Variants in KY observed in about 807,000 individuals in gnomAD.
KY encodes the protein kyphoscoliosis peptidase.
KY carries 43 observed loss-of-function variants against 76.1 expected under a neutral mutation model. The observed-to-expected ratio is 0.57, with a 90% CI of 0.44 to 0.73. The LOEUF is 0.73. KY is among the 30% of genes least tolerant of loss of function. KY has a pLI of 0.00. For missense variants in KY, 722 were observed against 828.9 expected, an observed-to-expected ratio of 0.87 and a Z score of 1.58; for synonymous variants, 277 against 326.2, an observed-to-expected ratio of 0.85 and a Z score of 1.63.
intron 2 of KY, among the ~76,000 whole-genome samples, chr3:134,646,773 G>A (rs1966494616): frequency 6.6e-6 from 1 of 152,170 alleles, no homozygotes; most frequent in Admixed American, 6.5e-5. Flanking sequence ...GGGGCTCTGG[G>A]AGTAGAGGTT....
Position 134,603,491 on chromosome 3 carries a change from G to A in KY, c.*88C>T. 8.6e-7 allele frequency: 1 copy of A among 1,166,696 alleles called. No individual in the cohort carries two copies. The highest frequency in any genetic ancestry group is 1.5e-5 in the South Asian group (1 of 66,080). The allele number at this position is 1,166,696 out of a possible 1,614,324, so 72.3% of individuals were successfully genotyped here. On this transcript the variant is annotated 3_prime_UTR_variant, in exon 11 of 11. Transcript: ENST00000423778. ...GAAGGGATTTCATGCAGACTCAGTG[G>A]TGTCCAGGGCTCCCTGCACTTCCTT...
At chr3:134,625,013 C>T in intron 6 of KY, 40 bp downstream of exon 6, 1 of 1,546,806 alleles carries the variant, frequency 6.5e-7, no homozygotes, top group Non-Finnish European at 8.8e-7. Flanking sequence ...CTCTAAGCCA[C>T]CTTGAAGGGG....
intron 10 of KY, among the ~76,000 whole-genome samples, chr3:134,606,330 C>T (rs913682432): frequency 6.6e-6 from 1 of 152,156 alleles, no homozygotes; most frequent in Non-Finnish European, 1.5e-5. Flanking sequence ...GCTGGAGACC[C>T]GTGGAGAAGC....
At chr3:134,620,979 T>C (rs987375738) in intron 6 of KY, 122 bp from the exon 7 acceptor site, 24 of 669,662 alleles carry the variant, frequency 3.6e-5, no homozygotes, top group Admixed American at 6.9e-5. Flanking sequence ...GGAGAGGTCC[T>C]GAGGGGCAAA....
At chr3:134,627,606 C>T in intron 5 of KY, 150 bp downstream of exon 5, 1 of 662,094 alleles carries the variant, frequency 1.5e-6, no homozygotes, top group East Asian at 2.7e-5. Flanking sequence ...CATTGCTAAT[C>T]AATCATGACA....
chr3:134,620,900 G>A, intron 6 of KY, 43 bp from the exon 7 acceptor site: 3 of 1,175,854 alleles, frequency 2.6e-6, no homozygotes, highest in Non-Finnish European at 3.8e-6. Context: ...CCTCGAGGAG[G>A]GGCTGTTGGG....
chr3:134,605,019 C>G (rs1003864001), intron 10 of KY, among the ~76,000 whole-genome samples: 1 of 152,190 alleles, frequency 6.6e-6, no homozygotes, highest in Non-Finnish European at 1.5e-5. Context: ...CCACCTCCCC[C>G]ACCCCATGCT....
intron 3 of KY, among the ~76,000 whole-genome samples, chr3:134,632,072 C>G (rs542118199): frequency 2.6e-5 from 4 of 152,068 alleles, no homozygotes; most frequent in African/African-American, 2.4e-5. Context: ...GACATAACAA[C>G]CTTCAATAGG....
At chr3:134,647,604 T>C in intron 1 of KY, 107 bp from the exon 2 acceptor site, 1 of 649,594 alleles carries the variant, frequency 1.5e-6, no homozygotes, top group Non-Finnish European at 2.7e-6. Context: ...CTTGGCTCTC[T>C]TGGAATCTGA....
chr3:134,613,540 A>G (rs1042045690), intron 8 of KY, among the ~76,000 whole-genome samples: 15 of 152,328 alleles, frequency 9.8e-5, no homozygotes, highest in African/African-American at 3.6e-4. Context: ...TGACCTTGCC[A>G]GGCTTATCAT....
rs368265173 is a variant in KY, at chr3:134,620,639, C to G, written c.592+110G>C. ...TCAGTCCAGTCTTCTGGGTCCCTGT[C>G]CCCCACCTTTCATGTCACTCTGCAC... On this transcript the variant is annotated intron_variant, in intron 7 of 10. Coordinates refer to ENST00000423778, the MANE Select transcript of KY (RefSeq NM_178554.6). 1.1e-5 allele frequency: 8 copies of G among 746,430 alleles called. No homozygotes were observed. In the Admixed American group the frequency reaches 1.1e-4, roughly 10 times the overall value. 46.2% of individuals were successfully genotyped at this position (746,430 alleles called of 1,614,324 possible). A position where few individuals can be genotyped will look rare whatever the true frequency, so the allele number is the denominator to read the frequency against.
chr3:134,609,657 C>G (rs561021326), intron 9 of KY, among the ~76,000 whole-genome samples: 1 of 152,282 alleles, frequency 6.6e-6, no homozygotes, highest in Admixed American at 6.5e-5. Flanking sequence ...TCCTCTGCAC[C>G]CCGGCTGCCC....
At chr3:134,635,763 C>G (rs1234032228) in intron 3 of KY, among the ~76,000 whole-genome samples, 1 of 151,944 alleles carries the variant, frequency 6.6e-6, no homozygotes, top group Non-Finnish European at 1.5e-5. Context: ...AGCAAAAATA[C>G]CAACCACACA....
Position 134,650,859 on chromosome 3 carries a change from C to G in KY, c.102G>C (p.Gln34His). The change falls in exon 1 of 11, where the codon CAG becomes CAC. Residue 34 changes from glutamine to histidine, a missense_variant. By Grantham distance (24) the Gln-to-His change is conservative. This residue lies in a region of KY where 170 missense variants were observed against 148.1 expected (regional missense o/e 1.15). Coordinates refer to ENST00000423778, the MANE Select transcript of KY (RefSeq NM_178554.6). ...RAAQGTLSDQ[Q>H]ANPSSLLQRG... The stretch of plus-strand genomic sequence containing the variant: ...GCTGCAGCAGCGAGCTCGGGTTCGC[C>G]TGCTGGTCTGAGAGCGTACCCTGTG... 6.2e-7 allele frequency: 1 copy of G among 1,609,670 alleles called. No homozygotes were observed. The highest frequency in any genetic ancestry group is 8.5e-7 in the Non-Finnish European group (1 of 1,177,768).
chr3:134,635,284 G>A (rs1356772694), intron 3 of KY, among the ~76,000 whole-genome samples: 3 of 152,026 alleles, frequency 2.0e-5, no homozygotes, highest in African/African-American at 7.2e-5. Context: ...ATCACTTGAG[G>A]TCAGGAGTTT....
At chr3:134,620,636 TG>T in intron 7 of KY, 112 bp downstream of exon 7, 1 of 731,436 alleles carries the variant, frequency 1.4e-6, no homozygotes, top group Non-Finnish European at 2.4e-6. Context: ...TCTGGGTCCC[TG>T]TCCCCCACCT....
intron 4 of KY, 144 bp from the exon 5 acceptor site, chr3:134,627,962 A>G: frequency 3.0e-6 from 2 of 659,240 alleles, no homozygotes; most frequent in East Asian, 2.7e-5. Flanking sequence ...CACCCCACTG[A>G]CCACTGAATT....
rs756002236 is a variant in KY, at chr3:134,603,978, A to G, written c.1587T>C (p.His529=). 6.2e-7 allele frequency: 1 copy of G among 1,613,930 alleles called. No homozygotes were observed. Among genetic ancestry groups the G allele is most frequent in the Non-Finnish European group, 8.5e-7 (1 of 1,179,828 alleles). The stretch of plus-strand genomic sequence containing the variant: ...AGATCTTGAGGGCAAACTTGCCTGC[A>G]TGGGGCAGCTGGACTTTCAGCTCGG... ...KQTELKVQLP[H]AGKFALKIFV... Residue 529 remains histidine, a synonymous_variant, in exon 11 of 11, where the codon CAT becomes CAC. Coordinates refer to ENST00000423778, the MANE Select transcript of KY (RefSeq NM_178554.6).
chr3:134,622,576 T>C (rs1962823522), intron 6 of KY, among the ~76,000 whole-genome samples: 1 of 152,182 alleles, frequency 6.6e-6, no homozygotes, highest in African/African-American at 2.4e-5. Flanking sequence ...GGAATTTCAT[T>C]GCTTAATGGG....
Sources: allele counts gnomAD v4.1 joint callset (sites outside exome capture counted in the v4.1 genomes callset), GRCh38; gene constraint gnomAD v4.1.1; regional missense constraint gnomAD v4.1.1; transcripts MANE v1.5; gene names NCBI Gene and HGNC (gene_info 2026-07-23, HGNC 2026-07-21).